Variants in TANC2 observed in about 807,000 individuals in gnomAD.
TANC2 encodes tetratricopeptide repeat, ankyrin repeat and coiled-coil containing 2, also known as protein TANC2.
Under a neutral mutation model 210.5 loss-of-function variants are expected in TANC2, and 26 were observed. The ratio of observed to expected loss-of-function variants is 0.12; its 90% CI spans 0.09 to 0.17. The LOEUF is 0.17. Among genes scored for constraint, TANC2 ranks in the 10% least tolerant of loss-of-function variants. The pLI, the probability that TANC2 is intolerant of heterozygous loss-of-function variation, is 1.00. For synonymous variants in TANC2, 931 were observed against 967.1 expected (o/e 0.96, Z 0.69); for missense variants, 2,129 against 2,608.9 (o/e 0.82, Z 4.01).
At chr17:63,300,958 A>G (rs961357565) in intron 9 of TANC2, among the ~76,000 whole-genome samples, 1 of 152,158 alleles carries the variant, frequency 6.6e-6, no homozygotes, top group Non-Finnish European at 1.5e-5. Flanking sequence ...TTCCATCAAT[A>G]CCTACTTTAT....
intron 5 of TANC2, among the ~76,000 whole-genome samples, chr17:63,158,664 A>T (rs1472124497): frequency 6.6e-6 from 1 of 152,196 alleles, no homozygotes. Flanking sequence ...AATTCTGTTT[A>T]TTGAGTGTTC....
intron 18 of TANC2, chr17:63,396,499 A>G (rs2048161753): frequency 6.4e-6 from 1 of 155,598 alleles, no homozygotes; most frequent in Non-Finnish European, 1.4e-5. Context: ...AAATGTAGGG[A>G]ATTGGTAGTG....
intron 14 of TANC2, among the ~76,000 whole-genome samples, chr17:63,361,402 G>C (rs574933339): frequency 6.6e-6 from 1 of 152,332 alleles, no homozygotes; most frequent in East Asian, 1.9e-4. Context: ...GAGAGCATGG[G>C]GTCCAGCCAC....
intron 6 of TANC2, among the ~76,000 whole-genome samples, chr17:63,198,028 ATAACT>A (rs988528997): frequency 6.6e-6 from 1 of 152,190 alleles, no homozygotes; most frequent in African/African-American, 2.4e-5. Context: ...TTTGCACAAA[ATAACT>A]TAGAGTAAAA....
At chr17:63,272,975 C>G (rs1021072493) in intron 9 of TANC2, among the ~76,000 whole-genome samples, 9 of 149,484 alleles carry the variant, frequency 6.0e-5, no homozygotes, top group Non-Finnish European at 1.1e-4. Flanking sequence ...GTCCCGGGAG[C>G]CTTTTATACT....
At chr17:63,068,227 A>G (rs552818459) in intron 2 of TANC2, among the ~76,000 whole-genome samples, 5 of 152,288 alleles carry the variant, frequency 3.3e-5, no homozygotes, top group African/African-American at 1.2e-4. Flanking sequence ...GCTCAGCTTC[A>G]TTATTAATGA....
intron 4 of TANC2, among the ~76,000 whole-genome samples, chr17:63,129,531 A>G (rs1365185061): frequency 2.0e-5 from 3 of 152,170 alleles, no homozygotes; most frequent in Non-Finnish European, 4.4e-5. Context: ...CAGCCTGGCC[A>G]ATATGATGAA....
At chr17:63,357,452 A>G (rs1345714301) in intron 14 of TANC2, among the ~76,000 whole-genome samples, 3 of 152,356 alleles carry the variant, frequency 2.0e-5, no homozygotes, top group Admixed American at 6.5e-5. Context: ...AGGAGCAGGT[A>G]CTTCCAACTT....
intron 2 of TANC2, among the ~76,000 whole-genome samples, chr17:63,021,834 C>G (rs1305892813): frequency 6.6e-6 from 1 of 152,058 alleles, no homozygotes; most frequent in Non-Finnish European, 1.5e-5. Context: ...ATCCCTAGGA[C>G]TAGGGGAATC....
chr17:63,252,581 T>C (rs1460439810), intron 8 of TANC2, among the ~76,000 whole-genome samples: 1 of 152,098 alleles, frequency 6.6e-6, no homozygotes, highest in Non-Finnish European at 1.5e-5. Flanking sequence ...TTCTACTCTC[T>C]GTCTCCATGA....
intron 21 of TANC2, among the ~76,000 whole-genome samples, chr17:63,409,474 C>T (rs796424060): frequency 5.3e-5 from 8 of 152,328 alleles, no homozygotes; most frequent in African/African-American, 1.7e-4. Context: ...GTGTGAGTTA[C>T]TGCACCCAGC....
At chr17:63,101,164 AT>A (rs929625857) in intron 4 of TANC2, among the ~76,000 whole-genome samples, 10 of 152,220 alleles carry the variant, frequency 6.6e-5, no homozygotes, top group Admixed American at 6.5e-4. Flanking sequence ...TCAGTAGATT[AT>A]TCATCCATTA....
chr17:63,188,382 A>T (rs1199104862), intron 5 of TANC2, among the ~76,000 whole-genome samples: 2 of 151,996 alleles, frequency 1.3e-5, no homozygotes, highest in African/African-American at 4.8e-5. Context: ...TCATGAGGTC[A>T]AGAGATCAAG....
intron 4 of TANC2, among the ~76,000 whole-genome samples, chr17:63,131,440 T>G (rs2038914875): frequency 6.6e-6 from 1 of 152,014 alleles, no homozygotes; most frequent in Non-Finnish European, 1.5e-5. Flanking sequence ...TTCTGAACAA[T>G]CCCATTCCAC....
intron 4 of TANC2, 156 bp from the exon 5 acceptor site, chr17:63,151,114 C>T (rs2039637203): frequency 6.3e-6 from 1 of 159,000 alleles, no homozygotes; most frequent in Admixed American, 6.6e-5. Flanking sequence ...TTAAGTGCTT[C>T]CATCTGTTGC....
chr17:63,074,386 T>C (rs1337578111), intron 3 of TANC2, among the ~76,000 whole-genome samples: 1 of 152,134 alleles, frequency 6.6e-6, no homozygotes, highest in South Asian at 2.1e-4. Context: ...GTCTTAGCTG[T>C]CTCAGAAGAA....
intron 9 of TANC2, among the ~76,000 whole-genome samples, chr17:63,273,001 C>T (rs1396969884): frequency 1.3e-5 from 2 of 152,082 alleles, no homozygotes; most frequent in South Asian, 2.1e-4. Flanking sequence ...AAAAATTACA[C>T]AGGCGGCTAT....
chr17:62,979,409 C>T (rs1264703198), intron 1 of TANC2, among the ~76,000 whole-genome samples: 2 of 152,146 alleles, frequency 1.3e-5, no homozygotes, highest in African/African-American at 2.4e-5. Context: ...GTCTTTCTGG[C>T]ATGCCTTCAT....
Position 63,098,513 on chromosome 17 carries a change from GTGTATA to G in TANC2, c.140-660_140-655del, listed in dbSNP as rs1228304523. Among the ~76,000 whole-genome samples the G allele has an allele frequency of 1.1e-3, 135 of 125,404 alleles. 2 individuals carry two copies. The highest frequency in any genetic ancestry group is 3.0e-3 in the African/African-American group (98 of 32,874). 82.3% of individuals were successfully genotyped at this position (125,404 alleles called of 152,430 possible). ...TCTCTCTCTCTCTCTCTCTCTCTGT[GTGTATA>G]TATATATATATATATGTAAAAATTT... On this transcript the variant is annotated intron_variant, in intron 3 of 27. Coordinates refer to ENST00000689528, the Ensembl canonical transcript of TANC2.
Sources: gnomAD v4.1 joint callset for allele counts (sites outside exome capture counted in the v4.1 genomes callset) on GRCh38, gnomAD v4.1.1 for gene constraint, MANE v1.5 for transcripts, NCBI Gene and HGNC (gene_info 2026-07-23, HGNC 2026-07-21) for gene names.